Variants in FOXP1 observed in about 807,000 individuals in gnomAD.
FOXP1 encodes the protein forkhead box protein P1.
FOXP1 carries 15 observed loss-of-function variants against 98.2 expected under a neutral mutation model. The observed-to-expected ratio is 0.15, with a 90% CI of 0.10 to 0.24. The LOEUF (loss-of-function observed/expected upper bound fraction) is 0.24, where lower values mean the gene tolerates loss of function less well. Ranked by LOEUF, FOXP1 falls within the 10% of genes least tolerant of loss-of-function variation. FOXP1 has a pLI of 1.00. For missense variants in FOXP1, 633 were observed against 848.5 expected (o/e 0.75, Z 3.15); for synonymous variants, 371 against 314.5 (o/e 1.18, Z -1.90).
intron 5 of FOXP1, among the ~76,000 whole-genome samples, chr3:71,267,124 A>T (rs557869288): frequency 0.015 from 2,175 of 148,398 alleles, 25 homozygotes; most frequent in Non-Finnish European, 0.02. Flanking sequence ...TATGGGAGAG[A>T]GTGTGTGTGT....
At chr3:71,082,878 A>G (rs1223405648) in intron 7 of FOXP1, among the ~76,000 whole-genome samples, 2 of 152,202 alleles carry the variant, frequency 1.3e-5, no homozygotes, top group African/African-American at 4.8e-5. Context: ...GCTAAACAAT[A>G]TGGCTAGCAA....
chr3:71,131,488 G>C (rs1019892751), intron 6 of FOXP1, among the ~76,000 whole-genome samples: 3 of 151,520 alleles, frequency 2.0e-5, no homozygotes, highest in Non-Finnish European at 4.4e-5. Context: ...TGCCACAGAA[G>C]CTACTGATTT....
intron 4 of FOXP1, among the ~76,000 whole-genome samples, chr3:71,330,014 G>A (rs2076201473): frequency 6.6e-6 from 1 of 152,084 alleles, no homozygotes; most frequent in South Asian, 2.1e-4. Context: ...TTTGAGACTA[G>A]CCTAGGCAAC....
At chr3:71,404,590 A>G (rs2082187297) in intron 3 of FOXP1, among the ~76,000 whole-genome samples, 1 of 152,050 alleles carries the variant, frequency 6.6e-6, no homozygotes, top group African/African-American at 2.4e-5. Context: ...AAAAAAACCC[A>G]TAATTGTTGA....
At chr3:71,442,951 G>A (rs1334805228) in intron 3 of FOXP1, among the ~76,000 whole-genome samples, 3 of 152,142 alleles carry the variant, frequency 2.0e-5, no homozygotes, top group Non-Finnish European at 2.9e-5. Flanking sequence ...GAGTGCAGTG[G>A]CGCGATCTCA....
intron 7 of FOXP1, among the ~76,000 whole-genome samples, chr3:71,081,201 C>G (rs2054374656): frequency 6.6e-6 from 1 of 152,222 alleles, no homozygotes; most frequent in African/African-American, 2.4e-5. Flanking sequence ...CCGTGGCAAT[C>G]TGAAAAGTGT....
At chr3:71,126,261 G>C (rs1239421061) in intron 6 of FOXP1, among the ~76,000 whole-genome samples, 1 of 151,678 alleles carries the variant, frequency 6.6e-6, no homozygotes, top group African/African-American at 2.4e-5. Context: ...AAGGCGGGCG[G>C]ATCACCAGGT....
chr3:71,350,619 A>G (rs572434751), intron 4 of FOXP1, among the ~76,000 whole-genome samples: 2 of 152,312 alleles, frequency 1.3e-5, no homozygotes, highest in African/African-American at 2.4e-5. Context: ...TTTCTGAGGC[A>G]CAGCCCACTC....
chr3:71,323,913 A>T (rs1466501617), intron 4 of FOXP1, among the ~76,000 whole-genome samples: 9 of 152,192 alleles, frequency 5.9e-5, no homozygotes, highest in African/African-American at 2.2e-4. Flanking sequence ...TATAAATTGC[A>T]TGGCCTGGAA....
intron 3 of FOXP1, among the ~76,000 whole-genome samples, chr3:71,466,674 T>C (rs1395839404): frequency 6.6e-6 from 1 of 152,186 alleles, no homozygotes; most frequent in African/African-American, 2.4e-5. Flanking sequence ...AGTCTGATGC[T>C]GACTCAGCGC....
At chr3:71,217,159 G>A (rs1232915246) in intron 5 of FOXP1, among the ~76,000 whole-genome samples, 1 of 152,012 alleles carries the variant, frequency 6.6e-6, no homozygotes, top group Non-Finnish European at 1.5e-5. Context: ...TGCAACCTCC[G>A]CCTCCCAGGT....
chr3:70,981,970 A>G (rs2038942122), intron 14 of FOXP1, among the ~76,000 whole-genome samples: 1 of 152,232 alleles, frequency 6.6e-6, no homozygotes, highest in Non-Finnish European at 1.5e-5. Context: ...AGTTAATGAA[A>G]TGTCAACCTT....
intron 4 of FOXP1, among the ~76,000 whole-genome samples, chr3:71,325,730 G>A (rs1576981625): frequency 6.6e-6 from 1 of 151,900 alleles, no homozygotes; most frequent in Non-Finnish European, 1.5e-5. Flanking sequence ...CTGAAGTGCA[G>A]TGGCTATTCA....
At chr3:71,411,326 T>C (rs2082724827) in intron 3 of FOXP1, among the ~76,000 whole-genome samples, 1 of 142,448 alleles carries the variant, frequency 7.0e-6, no homozygotes, top group Admixed American at 6.8e-5. Context: ...TGTATGTGTG[T>C]GTGTGAGTGA....
chr3:71,029,707 T>C (rs1480467454), intron 11 of FOXP1, among the ~76,000 whole-genome samples: 3 of 152,162 alleles, frequency 2.0e-5, no homozygotes, highest in African/African-American at 7.2e-5. Context: ...TAACAAGTCA[T>C]GCCCTCTGTT....
chr3:71,559,669 A>C (rs1193648615), intron 2 of FOXP1, among the ~76,000 whole-genome samples: 1 of 152,158 alleles, frequency 6.6e-6, no homozygotes, highest in Non-Finnish European at 1.5e-5. Flanking sequence ...AAAACTGTGA[A>C]ATCTCATCTT....
chr3:71,253,440 T>C (rs1002265637), intron 5 of FOXP1, among the ~76,000 whole-genome samples: 6 of 152,186 alleles, frequency 3.9e-5, no homozygotes, highest in Non-Finnish European at 8.8e-5. Flanking sequence ...TTAAATGAAA[T>C]GATACATGTC....
chr3:71,409,358 A>T (rs1461048291), intron 3 of FOXP1, among the ~76,000 whole-genome samples: 3 of 152,182 alleles, frequency 2.0e-5, no homozygotes, highest in Non-Finnish European at 4.4e-5. Flanking sequence ...ACTGCTGCAT[A>T]CTAATAATCT....
At chr3:71,168,679 G>A (rs2061499976) in intron 6 of FOXP1, among the ~76,000 whole-genome samples, 1 of 152,212 alleles carries the variant, frequency 6.6e-6, no homozygotes, top group African/African-American at 2.4e-5. Flanking sequence ...TCCACTCTTG[G>A]TAGAGCCATT....
Sources: gnomAD v4.1 joint callset for allele counts (sites outside exome capture counted in the v4.1 genomes callset) on GRCh38, gnomAD v4.1.1 for gene constraint, MANE v1.5 for transcripts, NCBI Gene and HGNC (gene_info 2026-07-23, HGNC 2026-07-21) for gene names.